The following GLIS1 variants were observed in gnomAD, a reference collection of about 807,000 sequenced individuals.
GLIS1 encodes zinc finger protein GLIS1.
In GLIS1, 24 loss-of-function variants were observed where a neutral mutation model predicts 63.8. The ratio of observed to expected loss-of-function variants is 0.38; its 90% CI spans 0.27 to 0.53. The LOEUF is 0.53. GLIS1 is among the 20% of genes least tolerant of loss of function. The pLI is 0.85. For synonymous variants in GLIS1, 450 were observed against 482.5 expected (o/e 0.93, Z 0.88); for missense variants, 1,036 against 1,074.1 (o/e 0.96, Z 0.50).
chr1:53,635,598 C>G (rs1001837586), intron 2 of GLIS1, among the ~76,000 whole-genome samples: 3 of 150,100 alleles, frequency 2.0e-5, no homozygotes, highest in Non-Finnish European at 3.0e-5. Context: ...AGGCAAAAGT[C>G]AGCAATATAG....
At chr1:53,554,319 G>C (rs1036684833) in intron 4 of GLIS1, among the ~76,000 whole-genome samples, 4 of 152,198 alleles carry the variant, frequency 2.6e-5, no homozygotes, top group African/African-American at 9.7e-5. Context: ...CACGAGTAGA[G>C]ACAGCCTGAA....
At chr1:53,720,134 C>T (rs1223257392) in intron 2 of GLIS1, among the ~76,000 whole-genome samples, 1 of 152,166 alleles carries the variant, frequency 6.6e-6, no homozygotes, top group Non-Finnish European at 1.5e-5. Context: ...CAAGATCGTG[C>T]CACTGCACTC....
rs749251588 is a variant in GLIS1, at chr1:53,520,667, C to G, written c.1693G>C (p.Gly565Arg). 7 of 1,610,952 alleles carry G rather than the reference C, an allele frequency of 4.3e-6. No individual in the cohort carries two copies. The Admixed American group carries it at 1.2e-4, about 27-fold the overall frequency. Residue 565 changes from glycine (G) to arginine (R), a missense_variant, in exon 7 of 11, where the codon GGT (glycine) becomes CGT (arginine). Gly to Arg is a moderately radical substitution (Grantham distance 125, BLOSUM62 -2). Transcript: ENST00000628545. ...AGCTCCTGGCCCAGGCCACAGCCAC[C>G]CTTGCCGTCGCTGGCAGCCAGCTGT... ...STQLAASDGK[G>R]GCGLGQELLP...
intron 2 of GLIS1, among the ~76,000 whole-genome samples, chr1:53,700,606 CTT>C (rs1162801285): frequency 6.6e-6 from 1 of 152,146 alleles, no homozygotes; most frequent in East Asian, 1.9e-4. Flanking sequence ...GTTTTTTGCT[CTT>C]CTTTTTAAAT....
intron 4 of GLIS1, among the ~76,000 whole-genome samples, chr1:53,540,195 C>T (rs1459050252): frequency 6.6e-6 from 1 of 152,196 alleles, no homozygotes; most frequent in African/African-American, 2.4e-5. Context: ...CGGTGAGCCT[C>T]GCACAGCCTG....
At chr1:53,604,945 T>C (rs1181380411) in intron 2 of GLIS1, among the ~76,000 whole-genome samples, 1 of 32,144 alleles carries the variant, frequency 3.1e-5, no homozygotes, top group African/African-American at 4.7e-5. Context: ...TATATATACA[T>C]ATATATATAT....
At chr1:53,556,592 GGTT>G (rs1644832990) in intron 4 of GLIS1, among the ~76,000 whole-genome samples, 1 of 125,740 alleles carries the variant, frequency 8.0e-6, no homozygotes, top group Non-Finnish European at 1.6e-5. Flanking sequence ...GTGTACTGTA[GGTT>G]TGTGTGTGTG....
At chr1:53,632,527 G>A (rs1645667879) in intron 2 of GLIS1, among the ~76,000 whole-genome samples, 1 of 143,348 alleles carries the variant, frequency 7.0e-6, no homozygotes. Flanking sequence ...GTGTGTGACG[G>A]GCATGTGAAT....
intron 2 of GLIS1, among the ~76,000 whole-genome samples, chr1:53,603,330 T>G (rs1238686092): frequency 6.6e-6 from 1 of 152,204 alleles, no homozygotes; most frequent in Non-Finnish European, 1.5e-5. Context: ...GGCCAGCAAG[T>G]GGTCACCCAA....
intron 2 of GLIS1, among the ~76,000 whole-genome samples, chr1:53,673,366 C>G (rs1361162444): frequency 2.0e-5 from 3 of 152,214 alleles, no homozygotes; most frequent in Non-Finnish European, 4.4e-5. Flanking sequence ...ACCCATGCCT[C>G]CAGTTACACT....
intron 4 of GLIS1, among the ~76,000 whole-genome samples, chr1:53,556,630 TTGTGTATGCAGGTGTACTGTAGGTATGTG>T (rs1644834625): frequency 2.6e-5 from 1 of 38,508 alleles, no homozygotes; most frequent in African/African-American, 1.9e-4. Flanking sequence ...AGGTATGTGT[TTGTGTATGCAGGTGTACTGTAGGTATGTG>T]TGTGTATGCA....
intron 8 of GLIS1, among the ~76,000 whole-genome samples, chr1:53,514,220 A>G (rs1307514245): frequency 6.6e-6 from 1 of 152,138 alleles, no homozygotes; most frequent in Non-Finnish European, 1.5e-5. Flanking sequence ...GCGTCTGTGG[A>G]GTGCGCGCAG....
intron 2 of GLIS1, among the ~76,000 whole-genome samples, chr1:53,711,334 T>C (rs942679207): frequency 2.0e-5 from 3 of 152,298 alleles, no homozygotes; most frequent in Non-Finnish European, 4.4e-5. Context: ...TTACACAGTG[T>C]ACACATGTAT....
At position 53,512,440 on chromosome 1, in the gene GLIS1, T is replaced by A. The variant is rs974061104; in HGVS notation, c.1883+2185A>T. ...ATTTGGTCATGAAGTCAGGCCCTCTTAGCATATTTTTGAGTGAATCAGATA... is the reference window on the plus strand; with the variant it reads ...ATTTGGTCATGAAGTCAGGCCCTCTAAGCATATTTTTGAGTGAATCAGATA... On this transcript the variant is annotated intron_variant, in intron 8 of 10. Coordinates refer to ENST00000628545, the MANE Select transcript of GLIS1 (RefSeq NM_001367484.1). Among the ~76,000 whole-genome samples, 10 of 152,210 alleles carry A rather than the reference T, an allele frequency of 6.6e-5. 1 individual carries two copies. Among genetic ancestry groups the A allele is most frequent in the Admixed American group, 1.3e-4 (2 of 15,280 alleles).
At chr1:53,536,345 G>A (rs1051098327) in intron 4 of GLIS1, among the ~76,000 whole-genome samples, 1 of 152,092 alleles carries the variant, frequency 6.6e-6, no homozygotes, top group Non-Finnish European at 1.5e-5. Flanking sequence ...AGAATAGGTG[G>A]TTAGGTTTTT....
intron 2 of GLIS1, among the ~76,000 whole-genome samples, chr1:53,614,065 T>A (rs1196268761): frequency 2.0e-5 from 3 of 152,190 alleles, no homozygotes; most frequent in Non-Finnish European, 2.9e-5. Flanking sequence ...ACATCAAATG[T>A]TAACAATTCA....
At chr1:53,530,024 C>T (rs1054322445) in intron 4 of GLIS1, 72 bp from the exon 5 acceptor site, 6 of 1,462,224 alleles carry the variant, frequency 4.1e-6, no homozygotes, top group South Asian at 1.3e-5. Flanking sequence ...ACTAACCCCC[C>T]AGGCCTGCCT....
chr1:53,612,624 A>G (rs1285343546), intron 2 of GLIS1, among the ~76,000 whole-genome samples: 1 of 152,016 alleles, frequency 6.6e-6, no homozygotes, highest in Non-Finnish European at 1.5e-5. Flanking sequence ...CCTTAACTCC[A>G]ATTTTTGTCT....
chr1:53,668,821 C>T (rs1004832968), intron 2 of GLIS1, among the ~76,000 whole-genome samples: 1 of 152,138 alleles, frequency 6.6e-6, no homozygotes, highest in Non-Finnish European at 1.5e-5. Context: ...CAGACAACAA[C>T]AAAATCACCT....
Sources: gnomAD v4.1 joint callset for allele counts (sites outside exome capture counted in the v4.1 genomes callset) on GRCh38, gnomAD v4.1.1 for gene constraint, MANE v1.5 for transcripts, NCBI Gene and HGNC (gene_info 2026-07-23, HGNC 2026-07-21) for gene names.